The following ATG7 variants were observed in gnomAD, a reference collection of about 807,000 sequenced individuals.
ATG7 encodes the protein autophagy related 7.
In ATG7, 70 loss-of-function variants were observed where a neutral mutation model predicts 82.4. That is an observed-to-expected ratio of 0.85 (90% confidence interval 0.70 to 1.04). The LOEUF is 1.04. Among genes scored for constraint, ATG7 ranks in the 50% least tolerant of loss-of-function variants. The probability of loss-of-function intolerance (pLI) is 0.00; values close to 1 mark genes in which losing one functional copy is unlikely to be tolerated. For missense variants in ATG7, 792 were observed against 864.3 expected, an observed-to-expected ratio of 0.92 and a Z score of 1.05; for synonymous variants, 287 against 313.0, an observed-to-expected ratio of 0.92 and a Z score of 0.88.
At position 11,556,196 on chromosome 3, in the gene ATG7, C is replaced by T. The variant is rs2072388016; in HGVS notation, c.*1353C>T. On this transcript the variant is annotated 3_prime_UTR_variant, in exon 21 of 21. Coordinates refer to ENST00000693202, the MANE Select transcript of ATG7 (RefSeq NM_001349232.2). ...CAGAGAATGGTATATTACAGATTTA[C>T]ACACATGAAGAGAAGGTCAGAGCGC... The T allele has an allele frequency of 6.6e-6, 1 of 152,570 alleles. No homozygotes were observed. The highest frequency in any genetic ancestry group is 2.4e-5 in the African/African-American group (1 of 41,394). 9.5% of individuals were successfully genotyped at this position (152,570 alleles called of 1,614,324 possible). A position where few individuals can be genotyped will look rare whatever the true frequency, so the allele number is the denominator to read the frequency against.
intron 14 of ATG7, among the ~76,000 whole-genome samples, chr3:11,355,133 C>G (rs371083976): frequency 1.3e-5 from 2 of 152,342 alleles, no homozygotes; most frequent in South Asian, 2.1e-4. Flanking sequence ...CACAGCACGA[C>G]TCTCGTCAGA....
chr3:11,494,645 G>C (rs1022505672), intron 20 of ATG7, among the ~76,000 whole-genome samples: 3 of 152,314 alleles, frequency 2.0e-5, no homozygotes, highest in Non-Finnish European at 4.4e-5. Context: ...CTGTTGAGCA[G>C]AGCAGAATAG....
intron 20 of ATG7, among the ~76,000 whole-genome samples, chr3:11,467,058 A>T (rs1395130380): frequency 6.6e-6 from 1 of 152,160 alleles, no homozygotes; most frequent in Admixed American, 6.5e-5. Flanking sequence ...CGAGAGGCAG[A>T]GGTTGCAGTG....
intron 20 of ATG7, among the ~76,000 whole-genome samples, chr3:11,517,808 G>A (rs2092326410): frequency 6.6e-6 from 1 of 152,264 alleles, no homozygotes; most frequent in African/African-American, 2.4e-5. Flanking sequence ...TTGAGTTGAA[G>A]CACAGGCTGG....
intron 20 of ATG7, among the ~76,000 whole-genome samples, chr3:11,527,057 GTGTGTGTGTGTGTGTATA>G (rs993763196): frequency 1.5e-4 from 15 of 103,090 alleles, no homozygotes; most frequent in African/African-American, 4.4e-4. Flanking sequence ...GTGTGTGTGT[GTGTGTGTGTGTGTGTATA>G]TATATATATA....
chr3:11,459,186 A>C (rs897083189), intron 20 of ATG7, among the ~76,000 whole-genome samples: 2 of 151,368 alleles, frequency 1.3e-5, no homozygotes, highest in Non-Finnish European at 2.9e-5. Context: ...AAAAAAAAAA[A>C]AAACAGCAAA....
intron 20 of ATG7, among the ~76,000 whole-genome samples, chr3:11,544,267 C>T (rs564435705): frequency 1.2e-4 from 18 of 152,316 alleles, no homozygotes; most frequent in African/African-American, 3.4e-4. Flanking sequence ...GGCCTTCACC[C>T]GGCAGCACTT....
At chr3:11,426,769 G>C (rs529355487) in intron 19 of ATG7, 35 bp from the exon 20 acceptor site, 1 of 1,524,942 alleles carries the variant, frequency 6.6e-7, no homozygotes, top group Non-Finnish European at 8.8e-7. Context: ...TTTAAGTCTG[G>C]AGACTCCTTT....
chr3:11,568,965 A>G, the ATG7 span: 1 of 1,180,318 alleles, frequency 8.5e-7, no homozygotes, highest in South Asian at 2.1e-5. This position sits in a 1 kb window ranked among gnomAD's most constrained non-coding sequence, Gnocchi z 5.9. Flanking sequence ...TGGAAAGAGG[A>G]GGGAGGGAAA....
chr3:11,467,982 G>A (rs1271218023), intron 20 of ATG7, among the ~76,000 whole-genome samples: 1 of 152,176 alleles, frequency 6.6e-6, no homozygotes, highest in Non-Finnish European at 1.5e-5. Flanking sequence ...GGGCAGAGTT[G>A]TTTTGCGTTT....
chr3:11,492,353 G>A (rs187567129), intron 20 of ATG7, among the ~76,000 whole-genome samples: 307 of 152,226 alleles, frequency 2.0e-3, no homozygotes, highest in African/African-American at 6.7e-3. Context: ...ACTGTCCTGC[G>A]CCCACTGTCT....
At chr3:11,467,029 C>T (rs567179298) in intron 20 of ATG7, among the ~76,000 whole-genome samples, 2 of 152,156 alleles carry the variant, frequency 1.3e-5, no homozygotes, top group African/African-American at 4.8e-5. Flanking sequence ...GAGGCTGAGG[C>T]AGGAGAATCA....
rs1427636913 is a variant in ATG7 at position 11,358,564 on chromosome 3, C to T, written c.1431C>T (p.Thr477=). 1.2e-6 allele frequency: 2 copies of T among 1,613,980 alleles called. No individual in the cohort carries two copies. Among genetic ancestry groups the T allele is most frequent in the Admixed American group, 3.3e-5 (2 of 60,020 alleles). The change falls in exon 15 of 21, where the codon ACC becomes ACT. Residue 477 remains threonine (T), a synonymous_variant. Coordinates refer to ENST00000693202, the MANE Select transcript of ATG7 (RefSeq NM_001349232.2). ...ATGTCGTCTTCCTATTGATGGACAC[C>T]AGGGAGAGCCGGTGGCTTCCTGCCG... The part of the protein sequence containing the change: ...SHDVVFLLMD[T]RESRWLPAVI...
intron 20 of ATG7, among the ~76,000 whole-genome samples, chr3:11,511,362 C>G (rs1013485013): frequency 3.3e-5 from 5 of 152,122 alleles, no homozygotes; most frequent in Non-Finnish European, 7.4e-5. Context: ...TACAGAGTTT[C>G]GACACACAGG....
intron 20 of ATG7, among the ~76,000 whole-genome samples, chr3:11,449,803 A>G (rs1484186146): frequency 2.0e-5 from 3 of 152,198 alleles, no homozygotes; most frequent in Admixed American, 1.3e-4. Flanking sequence ...GGAAAAATAT[A>G]TATTAGTTGA....
chr3:11,537,307 C>T (rs2070400108), intron 20 of ATG7, among the ~76,000 whole-genome samples: 1 of 152,138 alleles, frequency 6.6e-6, no homozygotes, highest in South Asian at 2.1e-4. Context: ...CACCTCTCAC[C>T]CCATTTTTTT....
chr3:11,279,833 A>G (rs1021083570), intron 1 of ATG7, among the ~76,000 whole-genome samples: 2 of 152,102 alleles, frequency 1.3e-5, no homozygotes, highest in African/African-American at 2.4e-5. Flanking sequence ...ACGCCAGGCT[A>G]TACTGTATTT....
chr3:11,382,268 T>A (rs1210064550), intron 19 of ATG7, among the ~76,000 whole-genome samples: 1 of 152,218 alleles, frequency 6.6e-6, no homozygotes, highest in African/African-American at 2.4e-5. Context: ...AAGCAATACA[T>A]TATATACACA....
At chr3:11,517,418 G>A (rs2092314772) in intron 20 of ATG7, among the ~76,000 whole-genome samples, 2 of 152,102 alleles carry the variant, frequency 1.3e-5, no homozygotes, top group Non-Finnish European at 2.9e-5. Flanking sequence ...TTAAGGGAGA[G>A]AAGAGGATGA....
Sources: allele counts gnomAD v4.1 joint callset (sites outside exome capture counted in the v4.1 genomes callset), GRCh38; gene constraint gnomAD v4.1.1; non-coding constraint Gnocchi (gnomAD v3.1); transcripts MANE v1.5; gene names NCBI Gene and HGNC (gene_info 2026-07-23, HGNC 2026-07-21).